Variants in ATP6V0D1 observed in about 807,000 individuals in gnomAD.
ATP6V0D1 encodes the protein V-type proton ATPase subunit d 1.
ATP6V0D1 carries 13 observed loss-of-function variants against 39.0 expected under a neutral mutation model. That is an observed-to-expected ratio of 0.33 (90% CI 0.22 to 0.53). The LOEUF is 0.53. Ranked by LOEUF, ATP6V0D1 falls within the 20% of genes least tolerant of loss-of-function variation. The pLI is 0.94. For synonymous variants in ATP6V0D1, 191 were observed against 191.2 expected, an observed-to-expected ratio of 1.00 and a Z score of 0.01; for missense variants, 272 against 470.9, an observed-to-expected ratio of 0.58 and a Z score of 3.91.
At position 67,444,194 on chromosome 16, in the gene ATP6V0D1, C is replaced by T. The variant is rs745528847; in HGVS notation, c.481+334G>A. Among the ~76,000 whole-genome samples the T allele has an allele frequency of 1.3e-5, 2 of 152,192 alleles. No homozygotes were observed. Among genetic ancestry groups the T allele is most frequent in the East Asian group, 1.9e-4 (1 of 5,192 alleles). On this transcript the variant is annotated intron_variant, in intron 3 of 7. Coordinates refer to ENST00000290949, the MANE Select transcript of ATP6V0D1 (RefSeq NM_004691.5). The surrounding 1 kb of genome is among the most constrained non-coding windows in gnomAD (Gnocchi z 4.8). The stretch of plus-strand genomic sequence containing the variant: ...CCGGGCCACAGTCTGTCAGAGCTCT[C>T]GGGACTCCAAGGGACTTGGGCCTCT...
chr16:67,465,921 ACT>A (rs1184712806), intron 1 of ATP6V0D1, among the ~76,000 whole-genome samples: 2 of 152,030 alleles, frequency 1.3e-5, no homozygotes, highest in African/African-American at 4.8e-5. Flanking sequence ...AGCCTGGATG[ACT>A]CACGGGGTCC....
intron 1 of ATP6V0D1, among the ~76,000 whole-genome samples, chr16:67,470,610 G>C (rs1371253473): frequency 6.6e-6 from 1 of 152,256 alleles, no homozygotes; most frequent in African/African-American, 2.4e-5. Context: ...CCTGGCGCGG[G>C]CCTAACTGCC....
chr16:67,463,604 G>T, intron 1 of ATP6V0D1, among the ~76,000 whole-genome samples: 1 of 151,968 alleles, frequency 6.6e-6, no homozygotes, highest in East Asian at 1.9e-4. Flanking sequence ...AAAGAAAAAA[G>T]AAGAAAAAAG....
intron 1 of ATP6V0D1, among the ~76,000 whole-genome samples, chr16:67,479,349 G>C (rs2041443734): frequency 6.6e-6 from 1 of 151,896 alleles, no homozygotes; most frequent in Non-Finnish European, 1.5e-5. Flanking sequence ...GAGTAGCTGG[G>C]ATTACAGGCG....
At chr16:67,459,609 C>T (rs1469690099) in intron 1 of ATP6V0D1, among the ~76,000 whole-genome samples, 2 of 152,256 alleles carry the variant, frequency 1.3e-5, no homozygotes, top group East Asian at 1.9e-4. Flanking sequence ...CAGCTAACCC[C>T]AGACAGGCCT....
chr16:67,479,917 C>CTCTGAAGCTGCGTGCTGAGAAGAAA (rs2041450809), intron 1 of ATP6V0D1, among the ~76,000 whole-genome samples: 1 of 140,522 alleles, frequency 7.1e-6, no homozygotes, highest in African/African-American at 3.3e-5. Context: ...GTCAACGCCA[C>CTCTGAAGCTGCGTGCTGAGAAGAAA]GGCCGGGCGC....
chr16:67,457,800 C>T, intron 1 of ATP6V0D1: 1 of 454,248 alleles, frequency 2.2e-6, no homozygotes, highest in South Asian at 1.8e-5. Context: ...GACACTGCAT[C>T]TGGGGAAGCC....
Position 67,453,383 on chromosome 16 carries a change from G to A in ATP6V0D1, c.302+161C>T, listed in dbSNP as rs1434878163. ...CACGCACACAGTCAGGGAGGACTCTGAAGGTAGGGTCCTGGGACACCTGGC... is the reference window on the plus strand; with the variant it reads ...CACGCACACAGTCAGGGAGGACTCTAAAGGTAGGGTCCTGGGACACCTGGC... On this transcript the variant is annotated intron_variant, in intron 2 of 7. Transcript: ENST00000290949. This position sits in a 1 kb window ranked among gnomAD's most constrained non-coding sequence, Gnocchi z 4.1. Among the ~76,000 whole-genome samples the A allele has an allele frequency of 6.6e-6, 1 of 152,240 alleles. No individual in the cohort carries two copies. The highest frequency in any genetic ancestry group is 1.5e-5 in the Non-Finnish European group (1 of 68,042).
chr16:67,455,739 C>T (rs1369172086), intron 1 of ATP6V0D1: 2 of 152,268 alleles, frequency 1.3e-5, no homozygotes, highest in Non-Finnish European at 2.9e-5. Context: ...AACCCTTGCC[C>T]TGAGATCTCT....
intron 2 of ATP6V0D1, among the ~76,000 whole-genome samples, chr16:67,448,871 A>G (rs921927452): frequency 2.0e-5 from 3 of 152,190 alleles, no homozygotes; most frequent in Admixed American, 2.0e-4. Context: ...AGCCAGGTCT[A>G]GCCCAGGACC....
intron 4 of ATP6V0D1, among the ~76,000 whole-genome samples, chr16:67,442,380 C>T (rs2041062876): frequency 1.3e-5 from 2 of 152,228 alleles, no homozygotes; most frequent in Admixed American, 1.3e-4. Flanking sequence ...GGTCCTGGCG[C>T]TATAGCTCAG....
rs375082071 is a variant in ATP6V0D1 at position 67,453,763 on chromosome 16, C to T, written c.131-48G>A. On this transcript the variant is annotated intron_variant, in intron 1 of 7. Coordinates refer to ENST00000290949, the MANE Select transcript of ATP6V0D1 (RefSeq NM_004691.5). The surrounding 1 kb of genome is among the most constrained non-coding windows in gnomAD (Gnocchi z 4.1). ...AAGGGCTAGCCTTGCTGGGCCTCCC[C>T]AAGGGTCCCAAGTCCCCATCCCCAC... is the stretch of plus-strand genomic sequence containing the variant. The T allele has an allele frequency of 4.4e-5, 69 of 1,584,464 alleles. No individual in the cohort carries two copies. The highest frequency in any genetic ancestry group is 5.9e-5 in the Non-Finnish European group (68 of 1,161,896).
At chr16:67,443,582 T>C (rs1178557112) in intron 3 of ATP6V0D1, among the ~76,000 whole-genome samples, 1 of 152,128 alleles carries the variant, frequency 6.6e-6, no homozygotes, top group Non-Finnish European at 1.5e-5. Flanking sequence ...GGCGTCCACA[T>C]TTGGAAAACC....
rs28661394 is a variant in ATP6V0D1 at position 67,442,780 on chromosome 16, G to A, written c.561+319C>T. ...TAGGTAGGGCGGTTCCAGGGGCCACGGCCTGGGTGGTAGTCCATGACCCTC... is the reference window on the plus strand; with the variant it reads ...TAGGTAGGGCGGTTCCAGGGGCCACAGCCTGGGTGGTAGTCCATGACCCTC... On this transcript the variant is annotated intron_variant, in intron 4 of 7. Transcript: ENST00000290949. Among the ~76,000 whole-genome samples, 4 of 152,212 alleles carry A rather than the reference G, an allele frequency of 2.6e-5. No individual in the cohort carries two copies. The East Asian group carries it at 5.8e-4, about 22-fold the overall frequency.
At chr16:67,445,617 TG>T (rs1263076446) in intron 2 of ATP6V0D1, among the ~76,000 whole-genome samples, 1 of 152,184 alleles carries the variant, frequency 6.6e-6, no homozygotes, top group African/African-American at 2.4e-5. Context: ...AACAGGAGGC[TG>T]GGTCAGGTCG....
chr16:67,445,845 A>G (rs1054572326), intron 2 of ATP6V0D1: 26 of 445,760 alleles, frequency 5.8e-5, no homozygotes, highest in Non-Finnish European at 1.2e-4. Flanking sequence ...AGTAAGCCCC[A>G]TTCCACAGTT....
At chr16:67,442,176 G>A (rs963225050) in intron 4 of ATP6V0D1, among the ~76,000 whole-genome samples, 1 of 152,270 alleles carries the variant, frequency 6.6e-6, no homozygotes, top group African/African-American at 2.4e-5. Flanking sequence ...TCTGGCCCAG[G>A]CCCCTGCAGG....
At chr16:67,442,842 G>C (rs1234716371) in intron 4 of ATP6V0D1, among the ~76,000 whole-genome samples, 1 of 152,200 alleles carries the variant, frequency 6.6e-6, no homozygotes, top group Non-Finnish European at 1.5e-5. Context: ...GGAGCCAGCT[G>C]TAACAGGCCA....
At position 67,438,885 on chromosome 16, in the gene ATP6V0D1, G is replaced by A. The variant is rs66719440; in HGVS notation, c.817-15C>T. On this transcript the variant is annotated splice_polypyrimidine_tract_variant and intron_variant, in intron 6 of 7. Coordinates refer to ENST00000290949, the MANE Select transcript of ATP6V0D1 (RefSeq NM_004691.5). ...AGCTTGTACTCCTGGCCAGGGGGGTGGGGGGAAGCACAAGCATGAGGGTTC... is the reference window on the plus strand; with the variant it reads ...AGCTTGTACTCCTGGCCAGGGGGGTAGGGGGAAGCACAAGCATGAGGGTTC... 4 of 1,613,406 alleles carry A rather than the reference G, an allele frequency of 2.5e-6. No homozygotes were observed. The highest frequency in any genetic ancestry group is 3.4e-6 in the Non-Finnish European group (4 of 1,179,838).
Sources: allele counts gnomAD v4.1 joint callset (sites outside exome capture counted in the v4.1 genomes callset), GRCh38; gene constraint gnomAD v4.1.1; non-coding constraint Gnocchi (gnomAD v3.1); transcripts MANE v1.5; gene names NCBI Gene and HGNC (gene_info 2026-07-23, HGNC 2026-07-21).